The following STRBP variants were observed in gnomAD, a reference collection of about 807,000 sequenced individuals.
STRBP encodes spermatid perinuclear RNA binding protein.
In STRBP, 13 loss-of-function variants were observed where a neutral mutation model predicts 80.1. The observed-to-expected ratio is 0.16, with a 90% CI of 0.11 to 0.26. The LOEUF is 0.26. Among genes scored for constraint, STRBP ranks in the 10% least tolerant of loss-of-function variants. The pLI is 1.00. For synonymous variants in STRBP, 284 were observed against 291.2 expected, an observed-to-expected ratio of 0.98 and a Z score of 0.25; for missense variants, 485 against 815.2, an observed-to-expected ratio of 0.59 and a Z score of 4.93.
chr9:123,223,299 T>G (rs1226950312), intron 2 of STRBP, among the ~76,000 whole-genome samples: 3 of 152,176 alleles, frequency 2.0e-5, no homozygotes, highest in Non-Finnish European at 4.4e-5. Context: ...CATAACATTA[T>G]AAATATTTCA....
chr9:123,162,791 A>G lies in STRBP; in HGVS notation c.536-1723T>C, dbSNP rs375446908. ...AAAAAGGATTATTACTCTGATTTAT[A>G]AATATAAACAAATGTACCACGGGTA... On this transcript the variant is annotated intron_variant, in intron 6 of 18. Coordinates refer to ENST00000348403, the MANE Select transcript of STRBP (RefSeq NM_018387.5). 6.6e-5 allele frequency among the ~76,000 whole-genome samples: 10 copies of G among 152,362 alleles called. No homozygotes were observed. In the East Asian group the frequency reaches 1.9e-3, roughly 29 times the overall value.
At chr9:123,112,811 G>A (rs2035588639) in intron 3 of STRBP, 1 of 167,100 alleles carries the variant, frequency 6.0e-6, no homozygotes, top group Non-Finnish European at 1.5e-5. Context: ...TACAAAGGAA[G>A]CAATCTGCTC....
chr9:123,174,626 T>G (rs1451714892), intron 4 of STRBP, among the ~76,000 whole-genome samples: 1 of 152,168 alleles, frequency 6.6e-6, no homozygotes, highest in African/African-American at 2.4e-5. Context: ...CTAAAGTTCC[T>G]CCCAACTATA....
intron 1 of STRBP, among the ~76,000 whole-genome samples, chr9:123,266,303 T>C (rs1187319862): frequency 6.6e-6 from 1 of 151,920 alleles, no homozygotes; most frequent in Non-Finnish European, 1.5e-5. Flanking sequence ...CCTTCCCCCT[T>C]CCTCATTTAC....
chr9:123,174,591 G>A (rs752334153), intron 4 of STRBP, among the ~76,000 whole-genome samples: 30 of 152,182 alleles, frequency 2.0e-4, no homozygotes, highest in Admixed American at 1.3e-4. Flanking sequence ...ATCCACAACA[G>A]TAAAATGACT....
At chr9:123,237,830 C>T (rs1588144608) in intron 1 of STRBP, among the ~76,000 whole-genome samples, 1 of 152,196 alleles carries the variant, frequency 6.6e-6, no homozygotes, top group East Asian at 1.9e-4. Flanking sequence ...TTAATGCCTT[C>T]ACACAAGGTA....
intron 1 of STRBP, among the ~76,000 whole-genome samples, chr9:123,243,125 C>T (rs1190320457): frequency 2.6e-5 from 4 of 151,868 alleles, no homozygotes; most frequent in South Asian, 2.1e-4. Context: ...ACACAGAGAT[C>T]GATGGAGTAG....
chr9:123,163,931 T>C (rs902253463), intron 6 of STRBP, among the ~76,000 whole-genome samples: 2 of 152,188 alleles, frequency 1.3e-5, no homozygotes, highest in African/African-American at 4.8e-5. Flanking sequence ...GCCATTTCAT[T>C]ATCTCCTAGA....
At position 123,251,548 on chromosome 9, in the gene STRBP, T is replaced by C. The variant is rs573344091; in HGVS notation, c.-301-14582A>G. Among the ~76,000 whole-genome samples, 20 of 152,340 alleles carry C rather than the reference T, an allele frequency of 1.3e-4. No individual in the cohort carries two copies. The East Asian group carries it at 3.3e-3, about 25-fold the overall frequency. On this transcript the variant is annotated intron_variant, in intron 1 of 18. Coordinates refer to ENST00000348403, the MANE Select transcript of STRBP (RefSeq NM_018387.5). ...AATCAAACCTGTCACTTACTTTCTATGTCCCTGAGTGAGTCACAACTTCTC... is the reference window on the plus strand; with the variant it reads ...AATCAAACCTGTCACTTACTTTCTACGTCCCTGAGTGAGTCACAACTTCTC...
chr9:123,242,573 T>C (rs2040716738), intron 1 of STRBP, among the ~76,000 whole-genome samples: 1 of 152,108 alleles, frequency 6.6e-6, no homozygotes, highest in Non-Finnish European at 1.5e-5. Flanking sequence ...GGCAGGAGAA[T>C]CGCTTGAACC....
intron 1 of STRBP, among the ~76,000 whole-genome samples, chr9:123,257,242 T>G (rs1013925938): frequency 7.9e-5 from 12 of 152,124 alleles, no homozygotes; most frequent in African/African-American, 2.9e-4. Flanking sequence ...CCATATGGAA[T>G]TCTCTTTTCC....
intron 7 of STRBP, 131 bp from the exon 8 acceptor site, chr9:123,160,593 A>C: frequency 1.9e-6 from 1 of 539,010 alleles, no homozygotes; most frequent in Non-Finnish European, 3.0e-6. Context: ...TCAATTAATC[A>C]CAAGTAGTAA....
At chr9:123,128,355 G>C in intron 17 of STRBP, 97 bp from the exon 18 acceptor site, 1 of 1,376,804 alleles carries the variant, frequency 7.3e-7, no homozygotes, top group Non-Finnish European at 1.0e-6. Context: ...CCTGGGCCCG[G>C]AGGACTTCTT....
intron 2 of STRBP, among the ~76,000 whole-genome samples, chr9:123,223,240 C>T (rs1004881816): frequency 2.6e-4 from 40 of 152,022 alleles, no homozygotes; most frequent in African/African-American, 6.5e-4. Context: ...TAAGTGGAAA[C>T]GGGATTTTTA....
At chr9:123,118,077 C>T (rs753792083), downstream of STRBP, among the ~76,000 whole-genome samples, 1 of 152,192 alleles carries the variant, frequency 6.6e-6, no homozygotes, top group Non-Finnish European at 1.5e-5. Flanking sequence ...GCCTTTTAAT[C>T]CATAGCAGGA....
At chr9:123,157,913 C>T in intron 11 of STRBP, 99 bp downstream of exon 11, 1 of 889,472 alleles carries the variant, frequency 1.1e-6, no homozygotes, top group East Asian at 2.4e-5. Flanking sequence ...GATTTGGATG[C>T]ACAATTATTA....
At chr9:123,217,967 T>C (rs962148744) in intron 2 of STRBP, among the ~76,000 whole-genome samples, 1 of 152,276 alleles carries the variant, frequency 6.6e-6, no homozygotes, top group African/African-American at 2.4e-5. Context: ...GGCAGTTTTT[T>C]ATTCTTTATA....
chr9:123,196,583 T>A (rs546427292), intron 2 of STRBP, among the ~76,000 whole-genome samples: 39 of 152,036 alleles, frequency 2.6e-4, no homozygotes, highest in Non-Finnish European at 5.3e-4. Context: ...AAAATTTGAA[T>A]AGGTACTTCT....
At chr9:123,129,172 T>C (rs1205908554) in intron 17 of STRBP, among the ~76,000 whole-genome samples, 1 of 151,876 alleles carries the variant, frequency 6.6e-6, no homozygotes, top group Non-Finnish European at 1.5e-5. Flanking sequence ...GCCTGGGCAA[T>C]ATAGTGAGAC....
Sources: gnomAD v4.1 joint callset for allele counts (sites outside exome capture counted in the v4.1 genomes callset) on GRCh38, gnomAD v4.1.1 for gene constraint, MANE v1.5 for transcripts, NCBI Gene and HGNC (gene_info 2026-07-23, HGNC 2026-07-21) for gene names.